Variants in BPNT1 observed in about 807,000 individuals in gnomAD.
BPNT1 encodes 3'(2'),5'-bisphosphate nucleotidase 1.
Under a neutral mutation model 36.9 loss-of-function variants are expected in BPNT1, and 28 were observed. That is an observed-to-expected ratio of 0.76 (90% CI 0.56 to 1.04). The LOEUF is 1.04. Among genes scored for constraint, BPNT1 ranks in the 50% least tolerant of loss-of-function variants. BPNT1 has a pLI of 0.00. For synonymous variants in BPNT1, 119 were observed against 130.9 expected (o/e 0.91, Z 0.62); for missense variants, 313 against 372.9 (o/e 0.84, Z 1.32).
intron 2 of BPNT1, among the ~76,000 whole-genome samples, chr1:220,079,149 T>C (rs537514350): frequency 4.6e-5 from 7 of 152,306 alleles, no homozygotes; most frequent in African/African-American, 1.7e-4. Flanking sequence ...TGTAATAGAT[T>C]ACTCTAGGAT....
intron 1 of BPNT1, 191 bp downstream of exon 1, chr1:220,089,495 A>C (rs1254849165): frequency 1.3e-5 from 2 of 152,366 alleles, no homozygotes; most frequent in South Asian, 2.1e-4. Flanking sequence ...TGGCTATAAA[A>C]ACCTTCCGGA....
intron 2 of BPNT1, among the ~76,000 whole-genome samples, chr1:220,077,570 G>C (rs1664667470): frequency 6.6e-6 from 1 of 151,908 alleles, no homozygotes; most frequent in South Asian, 2.1e-4. Context: ...ATGGGGTCTT[G>C]CTATGTTGCC....
At chr1:220,075,665 T>C (rs1266217426) in intron 2 of BPNT1, among the ~76,000 whole-genome samples, 1 of 152,204 alleles carries the variant, frequency 6.6e-6, no homozygotes, top group Non-Finnish European at 1.5e-5. Context: ...AGGAAATCAA[T>C]TTTCTTTTCC....
intron 6 of BPNT1, chr1:220,066,106 T>C (rs1146773): frequency 0.84 from 1,266,381 of 1,514,792 alleles, 535,637 homozygotes; most frequent in Non-Finnish European, 0.88. Context: ...TTAACTGCTG[T>C]TTTTCATTGT....
chr1:220,072,007 C>T (rs777547346), intron 4 of BPNT1, among the ~76,000 whole-genome samples: 1 of 151,920 alleles, frequency 6.6e-6, no homozygotes, highest in Non-Finnish European at 1.5e-5. Flanking sequence ...ACATCTATGG[C>T]CTGCTGATTT....
chr1:220,082,083 TATAGAGAGAGAGAG>T (rs1380906433), intron 1 of BPNT1, among the ~76,000 whole-genome samples: 12 of 110,830 alleles, frequency 1.1e-4, no homozygotes, highest in African/African-American at 3.0e-4. Context: ...TATATATATA[TATAGAGAGAGAGAG>T]AGAGAGAGAG....
At chr1:220,064,522 G>A (rs77158955) in intron 6 of BPNT1, among the ~76,000 whole-genome samples, 2,881 of 152,282 alleles carry the variant, frequency 0.019, 41 homozygotes, top group Non-Finnish European at 0.029. Flanking sequence ...GGAGTCTGGA[G>A]CTACAATAGC....
chr1:220,073,455 A>G (rs1292613084), intron 3 of BPNT1, among the ~76,000 whole-genome samples: 1 of 151,886 alleles, frequency 6.6e-6, no homozygotes, highest in African/African-American at 2.4e-5. Context: ...AGCCTGGCTA[A>G]TTTTTGTATT....
chr1:220,077,480 A>G (rs1019073263), intron 2 of BPNT1, among the ~76,000 whole-genome samples: 3 of 151,908 alleles, frequency 2.0e-5, no homozygotes, highest in Non-Finnish European at 4.4e-5. Flanking sequence ...AGGTCACTGC[A>G]GCCTCAAACT....
At chr1:220,061,786 G>A (rs1663061167) in intron 7 of BPNT1, among the ~76,000 whole-genome samples, 1 of 151,966 alleles carries the variant, frequency 6.6e-6, no homozygotes, top group South Asian at 2.1e-4. Flanking sequence ...TGATATCTAG[G>A]GGACAATCAG....
intron 4 of BPNT1, among the ~76,000 whole-genome samples, chr1:220,070,348 C>CT (rs994865392): frequency 1.3e-5 from 2 of 151,252 alleles, no homozygotes; most frequent in Non-Finnish European, 3.0e-5. Context: ...ACTTTCTTTT[C>CT]TTTTTTGCTT....
chr1:220,066,460 A>C (rs1457538239), intron 6 of BPNT1, among the ~76,000 whole-genome samples: 1 of 152,194 alleles, frequency 6.6e-6, no homozygotes, highest in Non-Finnish European at 1.5e-5. Context: ...AGCAGGAAAA[A>C]ACAAATTTAT....
Position 220,070,115 on chromosome 1 carries a change from A to G in BPNT1, c.334-683T>C, listed in dbSNP as rs550503728. Reference sequence around the variant, plus strand: ...GCACAGTTGCTACTCATTTTTATATATAAGTGCTGATTTTAAAAAAACAAG... The same window carrying G: ...GCACAGTTGCTACTCATTTTTATATGTAAGTGCTGATTTTAAAAAAACAAG... On this transcript the variant is annotated intron_variant, in intron 4 of 8. Transcript: ENST00000322067. Among the ~76,000 whole-genome samples the G allele has an allele frequency of 3.3e-5, 5 of 152,318 alleles. No individual in the cohort carries two copies. In the South Asian group the frequency reaches 6.2e-4, roughly 19 times the overall value.
chr1:220,078,735 G>A (rs1213606517), intron 2 of BPNT1, among the ~76,000 whole-genome samples: 1 of 151,524 alleles, frequency 6.6e-6, no homozygotes, highest in African/African-American at 2.4e-5. Context: ...GTAGCTGTGA[G>A]TATAGGTGTG....
At chr1:220,086,692 C>A (rs1655759657) in intron 1 of BPNT1, among the ~76,000 whole-genome samples, 1 of 151,360 alleles carries the variant, frequency 6.6e-6, no homozygotes, top group African/African-American at 2.4e-5. Flanking sequence ...TCTCCTGCCT[C>A]AGCCTCTTGA....
intron 1 of BPNT1, among the ~76,000 whole-genome samples, chr1:220,082,063 A>AATATATATATATAT (rs369837553): frequency 9.1e-6 from 1 of 110,414 alleles, no homozygotes; most frequent in African/African-American, 3.7e-5. Context: ...TTCCAAGGAC[A>AATATATATATATAT]ATATATATAT....
chr1:220,060,582 C>T (rs1420433235), intron 7 of BPNT1, among the ~76,000 whole-genome samples: 1 of 152,160 alleles, frequency 6.6e-6, no homozygotes, highest in East Asian at 1.9e-4. Flanking sequence ...TAGATCCTAA[C>T]AGATGTGCAA....
intron 2 of BPNT1, 63 bp from the exon 3 acceptor site, chr1:220,074,134 G>A (rs1002386297): frequency 4.3e-5 from 60 of 1,395,066 alleles, no homozygotes; most frequent in Admixed American, 1.1e-4. Context: ...CTGATTCCTT[G>A]TGCATGAGTG....
chr1:220,067,309 T>C lies in BPNT1; in HGVS notation c.467A>G (p.Asn156Ser). The change falls in exon 6 of 9, where the codon AAC becomes AGC. Residue 156 changes from asparagine to serine, a missense_variant. Transcript: ENST00000322067. ...IAGVINQPYY[N>S]YEAGPDAVLG... is the part of the protein sequence containing the mutation. Reference sequence around the variant, plus strand: ...TATCATTTATAGTAATACCTCATAGTTGTAATATGGCTGGTTAATAACTCC... The same window carrying C: ...TATCATTTATAGTAATACCTCATAGCTGTAATATGGCTGGTTAATAACTCC... The C allele has an allele frequency of 1.3e-6, 2 of 1,590,480 alleles. No homozygotes were observed. The highest frequency in any genetic ancestry group is 2.2e-5 in the East Asian group (1 of 44,468).
Sources: gnomAD v4.1 joint callset for allele counts (sites outside exome capture counted in the v4.1 genomes callset) on GRCh38, gnomAD v4.1.1 for gene constraint, MANE v1.5 for transcripts, NCBI Gene and HGNC (gene_info 2026-07-23, HGNC 2026-07-21) for gene names.